GHR: variants seen among roughly 807,000 people sequenced by gnomAD.
GHR encodes the protein growth hormone receptor, also known as GH receptor.
Under a neutral mutation model 67.1 loss-of-function variants are expected in GHR, and 35 were observed. That is an observed-to-expected ratio of 0.52 (90% CI 0.40 to 0.69). GHR has a LOEUF of 0.69. Among genes scored for constraint, GHR ranks in the 30% least tolerant of loss-of-function variants. The probability of loss-of-function intolerance (pLI) is 0.00; values close to 1 mark genes in which losing one functional copy is unlikely to be tolerated. For synonymous variants in GHR, 272 were observed against 269.1 expected, an observed-to-expected ratio of 1.01 and a Z score of -0.10; for missense variants, 792 against 764.6, an observed-to-expected ratio of 1.04 and a Z score of -0.42.
At chr5:42,539,774 T>C (rs1748418981) in intron 1 of GHR, among the ~76,000 whole-genome samples, 1 of 152,204 alleles carries the variant, frequency 6.6e-6, no homozygotes, top group Non-Finnish European at 1.5e-5. Context: ...AGACTTTCTT[T>C]TTCTTCTGTT....
At chr5:42,651,552 T>TC (rs1447984562) in intron 3 of GHR, among the ~76,000 whole-genome samples, 1 of 152,122 alleles carries the variant, frequency 6.6e-6, no homozygotes, top group African/African-American at 2.4e-5. Context: ...AGGACATACT[T>TC]CTTAAAGTGA....
At chr5:42,591,353 T>G (rs898636263) in intron 2 of GHR, among the ~76,000 whole-genome samples, 1 of 152,232 alleles carries the variant, frequency 6.6e-6, no homozygotes, top group African/African-American at 2.4e-5. Flanking sequence ...GTGGATCTTG[T>G]TCTGTCATTC....
intron 1 of GHR, among the ~76,000 whole-genome samples, chr5:42,526,004 G>T (rs13178282): frequency 0.5 from 75,413 of 151,892 alleles, 19,611 homozygotes; most frequent in African/African-American, 0.63. Context: ...AGTGTCCAAG[G>T]GAAAGGAAAA....
intron 2 of GHR, among the ~76,000 whole-genome samples, chr5:42,610,098 A>G (rs1235131094): frequency 6.6e-6 from 1 of 152,184 alleles, no homozygotes; most frequent in Non-Finnish European, 1.5e-5. Context: ...TAGAAGGGAA[A>G]GGAAATTTCT....
At chr5:42,560,342 C>T (rs182256233) in intron 1 of GHR, among the ~76,000 whole-genome samples, 6 of 152,156 alleles carry the variant, frequency 3.9e-5, no homozygotes, top group Admixed American at 1.3e-4. Context: ...TACAGGTGTG[C>T]GCCACCACAC....
intron 1 of GHR, among the ~76,000 whole-genome samples, chr5:42,475,763 G>T (rs1745278102): frequency 6.6e-6 from 1 of 152,102 alleles, no homozygotes; most frequent in African/African-American, 2.4e-5. Context: ...GGGAGAGTGA[G>T]AGTAAATTGG....
At chr5:42,645,818 C>T (rs1046390499) in intron 3 of GHR, among the ~76,000 whole-genome samples, 1 of 152,212 alleles carries the variant, frequency 6.6e-6, no homozygotes, top group African/African-American at 2.4e-5. Context: ...CTGGACTACT[C>T]AGTTCCCTCA....
chr5:42,500,466 A>T (rs543401959), intron 1 of GHR, among the ~76,000 whole-genome samples: 1 of 152,382 alleles, frequency 6.6e-6, no homozygotes, highest in Admixed American at 6.5e-5. Context: ...CTTACTTAAC[A>T]GGGTTGTTAC....
intron 1 of GHR, among the ~76,000 whole-genome samples, chr5:42,530,715 C>T (rs973641507): frequency 1.3e-5 from 2 of 152,078 alleles, no homozygotes; most frequent in Admixed American, 1.3e-4. Flanking sequence ...GCCAGTTTTG[C>T]ACAAGCTGTG....
intron 1 of GHR, among the ~76,000 whole-genome samples, chr5:42,517,100 T>C (rs1747271542): frequency 6.6e-6 from 1 of 152,256 alleles, no homozygotes; most frequent in African/African-American, 2.4e-5. Flanking sequence ...ATTAAGCATT[T>C]ATTATTTTAA....
Position 42,711,348 on chromosome 5 carries a change from A to G in GHR, c.760A>G (p.Met254Val). The G allele has an allele frequency of 6.2e-7, 1 of 1,612,848 alleles. No individual in the cohort carries two copies. Among genetic ancestry groups the G allele is most frequent in the Non-Finnish European group, 8.5e-7 (1 of 1,178,836 alleles). Reference protein sequence around the residue: ...SEVLYVTLPQMSQFTCEEDFY... With the variant: ...SEVLYVTLPQVSQFTCEEDFY... ...GGTGCTCTATGTAACACTTCCTCAG[A>G]TGAGCCAATTTACATGTGAAGAAGG... Residue 254 changes from methionine to valine, a missense_variant, in exon 7 of 10, where the codon ATG (methionine) becomes GTG (valine). Met to Val is a conservative substitution (Grantham distance 21). Transcript: ENST00000230882.
intron 1 of GHR, among the ~76,000 whole-genome samples, chr5:42,540,827 C>T (rs1748479057): frequency 6.6e-6 from 1 of 152,178 alleles, no homozygotes; most frequent in South Asian, 2.1e-4. Context: ...ACTACCCACT[C>T]CCACAACAAC....
chr5:42,618,869 T>C (rs985421255), intron 2 of GHR, among the ~76,000 whole-genome samples: 11 of 152,204 alleles, frequency 7.2e-5, no homozygotes, highest in African/African-American at 2.4e-4. Context: ...AAGGTCCATT[T>C]AAGGGAATGG....
chr5:42,710,330 C>T (rs774056517), intron 6 of GHR, among the ~76,000 whole-genome samples: 2 of 151,674 alleles, frequency 1.3e-5, no homozygotes, highest in Non-Finnish European at 2.9e-5. Flanking sequence ...GTTGAAAACG[C>T]GAGTGTTTAA....
In GHR at chr5:42,660,088, G is replaced by T. The variant is rs566940602; in HGVS notation, c.137-28802G>T. On this transcript the variant is annotated intron_variant, in intron 3 of 9. Coordinates refer to ENST00000230882, the MANE Select transcript of GHR (RefSeq NM_000163.5). Reference sequence around the variant, plus strand: ...CCAGGCATTGCCCAGGTTTGCTTAGGTAAACAAAGCAGGCGGGAATCTCGA... The same window carrying T: ...CCAGGCATTGCCCAGGTTTGCTTAGTTAAACAAAGCAGGCGGGAATCTCGA... 1.0e-3 allele frequency among the ~76,000 whole-genome samples: 159 copies of T among 152,296 alleles called. 1 individual carries two copies. Among genetic ancestry groups the T allele is most frequent in the African/African-American group, 3.7e-3 (153 of 41,558 alleles).
At chr5:42,656,792 T>A (rs1755278344) in intron 3 of GHR, among the ~76,000 whole-genome samples, 1 of 152,176 alleles carries the variant, frequency 6.6e-6, no homozygotes, top group African/African-American at 2.4e-5. Context: ...AGACCCAATC[T>A]CTGTGTAGTT....
In GHR at chr5:42,711,368, A is replaced by C. The variant is rs1579660240; in HGVS notation, c.780A>C (p.Glu260Asp). 2.5e-6 allele frequency: 4 copies of C among 1,605,786 alleles called. No individual in the cohort carries two copies. In the East Asian group the frequency reaches 6.7e-5, roughly 27 times the overall value. ...CTCAGATGAGCCAATTTACATGTGA[A>C]GAAGGTAAAAGAAATAAAAGATTAA... Reference protein sequence around the residue: ...TLPQMSQFTCEEDFYFPWLLI... With the variant: ...TLPQMSQFTCDEDFYFPWLLI... The change falls in exon 7 of 10, where the codon GAA (glutamate) becomes GAC (aspartate). Residue 260 changes from glutamate to aspartate, a missense_variant. Glu to Asp is a conservative substitution (Grantham distance 45). Transcript: ENST00000230882.
chr5:42,461,122 T>C (rs1353504374), intron 1 of GHR, among the ~76,000 whole-genome samples: 1 of 152,178 alleles, frequency 6.6e-6, no homozygotes, highest in Non-Finnish European at 1.5e-5. Flanking sequence ...AGGTGATTTA[T>C]AAGAGCAGTT....
rs1753812162 is a variant in GHR, at chr5:42,628,463, GCAGGAATTA to G, written c.71-570_71-562del. ...GTTTGGTTCTGTATGTTTCAGGGAG[GCAGGAATTA>G]CAGGCAAAGACATAAATCAGTACAT... On this transcript the variant is annotated intron_variant, in intron 2 of 9. Coordinates refer to ENST00000230882, the MANE Select transcript of GHR (RefSeq NM_000163.5). Among the ~76,000 whole-genome samples, 2 of 123,682 alleles carry G rather than the reference GCAGGAATTA, an allele frequency of 1.6e-5. 1 individual carries two copies. The highest frequency in any genetic ancestry group is 7.0e-5 in the African/African-American group (2 of 28,638). The allele number at this position is 123,682 out of a possible 152,430, so 81.1% of individuals were successfully genotyped here.
Sources: gnomAD v4.1 joint callset for allele counts (sites outside exome capture counted in the v4.1 genomes callset) on GRCh38, gnomAD v4.1.1 for gene constraint, MANE v1.5 for transcripts, NCBI Gene and HGNC (gene_info 2026-07-23, HGNC 2026-07-21) for gene names.